SLCO2A1: variants seen among roughly 807,000 people sequenced by gnomAD.
The protein encoded by SLCO2A1 is solute carrier organic anion transporter family member 2A1, also known as matrin F/G 1.
SLCO2A1 carries 60 observed loss-of-function variants against 71.7 expected under a neutral mutation model. That is an observed-to-expected ratio of 0.84 (90% confidence interval 0.68 to 1.04). SLCO2A1 has a LOEUF of 1.04. SLCO2A1 is among the 50% of genes least tolerant of loss of function. SLCO2A1 has a pLI of 0.00. For synonymous variants in SLCO2A1, 308 were observed against 326.7 expected (o/e 0.94, Z 0.62); for missense variants, 745 against 813.4 (o/e 0.92, Z 1.02).
chr3:133,980,875 A>G (rs1056697174), intron 1 of SLCO2A1, among the ~76,000 whole-genome samples: 2 of 151,904 alleles, frequency 1.3e-5, no homozygotes, highest in African/African-American at 4.8e-5. Flanking sequence ...AAAACCAGAC[A>G]CCTCTCCTGA....
intron 11 of SLCO2A1, chr3:133,942,265 G>A (rs559133867): frequency 9.2e-4 from 164 of 177,608 alleles, no homozygotes; most frequent in African/African-American, 3.5e-3. Context: ...AAGTGCTGGG[G>A]TCACAGGCAC....
intron 3 of SLCO2A1, among the ~76,000 whole-genome samples, chr3:133,957,314 G>A (rs151307798): frequency 8.0e-4 from 122 of 152,310 alleles, no homozygotes; most frequent in African/African-American, 2.6e-3. Flanking sequence ...AGGCTCTACC[G>A]TAGAGATCCA....
chr3:133,935,885 G>A lies in SLCO2A1; in HGVS notation c.1703C>T (p.Ser568Phe), dbSNP rs1294137620. The change falls in exon 13 of 14, where the codon TCT becomes TTT. Residue 568 changes from serine (S) to phenylalanine (F), a missense_variant. By Grantham distance (155) the Ser-to-Phe change is radical. Coordinates refer to ENST00000310926, the MANE Select transcript of SLCO2A1 (RefSeq NM_005630.3). ...LLMRLLAWLPSPALYGLTIDH... is the reference protein window; with the variant it reads ...LLMRLLAWLPFPALYGLTIDH... The stretch of plus-strand genomic sequence containing the variant: ...AATGGTGAGGCCATAGAGGGCTGGA[G>A]ATGGCAGCCAGGCTGGAAGAGGGTT... The A allele has an allele frequency of 1.2e-6, 2 of 1,602,234 alleles. No homozygotes were observed. Among genetic ancestry groups the A allele is most frequent in the East Asian group, 4.5e-5 (2 of 44,654 alleles).
intron 3 of SLCO2A1, among the ~76,000 whole-genome samples, chr3:133,971,532 C>A (rs13093879): frequency 0.098 from 14,951 of 152,286 alleles, 834 homozygotes; most frequent in Middle Eastern, 0.2. Context: ...CTATTCTTTT[C>A]CTGTTCCAGG....
intron 4 of SLCO2A1, among the ~76,000 whole-genome samples, chr3:133,954,203 C>A (rs1330206387): frequency 6.9e-6 from 1 of 145,552 alleles, no homozygotes; most frequent in Non-Finnish European, 1.5e-5. Flanking sequence ...ACTCTTGTTG[C>A]CCATGCTGGA....
chr3:134,021,998 T>TA lies in SLCO2A1; in HGVS notation c.96+7708dup, dbSNP rs1296200918. Reference sequence around the variant, plus strand: ...TGCTTTGCTAACAAAAAAAAAAAAGTAAAAAAAAAACTTTTAGAGGAAACC... The same window carrying TA: ...TGCTTTGCTAACAAAAAAAAAAAAGTAAAAAAAAAAACTTTTAGAGGAAACC... On this transcript the variant is annotated intron_variant, in intron 1 of 13. Coordinates refer to ENST00000310926, the MANE Select transcript of SLCO2A1 (RefSeq NM_005630.3). Among the ~76,000 whole-genome samples, 442 of 87,844 alleles carry TA rather than the reference T, an allele frequency of 5.0e-3. 7 individuals carry two copies. Among genetic ancestry groups the TA allele is most frequent in the African/African-American group, 0.016 (387 of 23,688 alleles). 57.6% of individuals were successfully genotyped at this position (87,844 alleles called of 152,430 possible).
At chr3:133,951,901 C>G (rs536216176) in intron 5 of SLCO2A1, among the ~76,000 whole-genome samples, 1 of 152,196 alleles carries the variant, frequency 6.6e-6, no homozygotes, top group South Asian at 2.1e-4. Context: ...GGATCCCTAA[C>G]AAAGGAGGCC....
intron 2 of SLCO2A1, 90 bp downstream of exon 2, chr3:133,979,391 A>G: frequency 2.0e-6 from 3 of 1,536,472 alleles, no homozygotes; most frequent in Non-Finnish European, 2.7e-6. Flanking sequence ...CTATGTGCAC[A>G]TCTCAGCCCC....
intron 1 of SLCO2A1, among the ~76,000 whole-genome samples, chr3:134,021,220 C>T (rs540644635): frequency 3.0e-4 from 45 of 152,160 alleles, no homozygotes; most frequent in African/African-American, 1.1e-3. Context: ...TGTTTTGTCT[C>T]GAAGAAGCAT....
In SLCO2A1 at chr3:133,934,566, A is replaced by C; in HGVS notation, c.*147T>G. ...AACTGTGGGGAGGACTCTGGGAGGA[A>C]GAGGTAGGGAAGGCAAATGAGGACT... is the stretch of plus-strand genomic sequence containing the variant. On this transcript the variant is annotated 3_prime_UTR_variant, in exon 14 of 14. Coordinates refer to ENST00000310926, the MANE Select transcript of SLCO2A1 (RefSeq NM_005630.3). The C allele has an allele frequency of 1.7e-6, 1 of 595,074 alleles. No individual in the cohort carries two copies. The allele number at this position is 595,074 out of a possible 1,614,324, so 36.9% of individuals were successfully genotyped here.
intron 1 of SLCO2A1, among the ~76,000 whole-genome samples, chr3:133,985,966 A>C (rs1704206917): frequency 6.6e-6 from 1 of 152,206 alleles, no homozygotes; most frequent in Non-Finnish European, 1.5e-5. Context: ...CAGCTGCCCT[A>C]CTTACTTACT....
In SLCO2A1 at chr3:133,955,025, G is replaced by A; in HGVS notation, c.566C>T (p.Pro189Leu). The A allele has an allele frequency of 6.2e-7, 1 of 1,614,146 alleles. No homozygotes were observed. Among genetic ancestry groups the A allele is most frequent in the South Asian group, 1.1e-5 (1 of 91,072 alleles). The change falls in exon 4 of 14, where the codon CCA becomes CTA. Residue 189 changes from proline to leucine, a missense_variant. Transcript: ENST00000310926. Reference protein sequence around the residue: ...LAGIGTVPIQPFGISYVDDFS... With the variant: ...LAGIGTVPIQLFGISYVDDFS... ...GTCATCCACATAGGAGATCCCAAATGGCTGAATAGGCACTGTCCCGATGCC... is the reference window on the plus strand; with the variant it reads ...GTCATCCACATAGGAGATCCCAAATAGCTGAATAGGCACTGTCCCGATGCC...
At chr3:134,022,205 C>T (rs867823938) in intron 1 of SLCO2A1, among the ~76,000 whole-genome samples, 31 of 151,698 alleles carry the variant, frequency 2.0e-4, no homozygotes, top group Admixed American at 5.2e-4. Flanking sequence ...TGAGGCATGT[C>T]GAAGAATTAT....
chr3:133,964,077 T>A (rs1418913254), intron 3 of SLCO2A1, among the ~76,000 whole-genome samples: 1 of 152,244 alleles, frequency 6.6e-6, no homozygotes, highest in Non-Finnish European at 1.5e-5. Flanking sequence ...TATAAAATGA[T>A]TCCTATGGGC....
At chr3:133,957,415 G>A (rs1256362410) in intron 3 of SLCO2A1, among the ~76,000 whole-genome samples, 1 of 152,060 alleles carries the variant, frequency 6.6e-6, no homozygotes, top group Non-Finnish European at 1.5e-5. Flanking sequence ...CTGCTCACAG[G>A]GGTTACTGTG....
chr3:134,022,169 GA>G (rs1935602324), intron 1 of SLCO2A1, among the ~76,000 whole-genome samples: 1 of 151,782 alleles, frequency 6.6e-6, no homozygotes, highest in South Asian at 2.1e-4. Flanking sequence ...TTTAAAGAAA[GA>G]AATATTTGTA....
intron 3 of SLCO2A1, among the ~76,000 whole-genome samples, chr3:133,962,064 G>T (rs888542709): frequency 6.6e-6 from 1 of 152,142 alleles, no homozygotes; most frequent in Non-Finnish European, 1.5e-5. Flanking sequence ...GAGTCTTCTA[G>T]AATTTATTTT....
chr3:134,019,237 C>T (rs542977495), intron 1 of SLCO2A1, among the ~76,000 whole-genome samples: 133 of 152,282 alleles, frequency 8.7e-4, no homozygotes, highest in African/African-American at 3.2e-3. Context: ...GTTATGTGAA[C>T]AATTTCACAA....
chr3:133,995,352 T>A (rs1934943144), intron 1 of SLCO2A1, among the ~76,000 whole-genome samples: 2 of 152,092 alleles, frequency 1.3e-5, no homozygotes, highest in Admixed American at 1.3e-4. Flanking sequence ...GCACCCCTAC[T>A]CCTCCCCCTG....
Sources: allele counts gnomAD v4.1 joint callset (sites outside exome capture counted in the v4.1 genomes callset), GRCh38; gene constraint gnomAD v4.1.1; transcripts MANE v1.5; gene names NCBI Gene and HGNC (gene_info 2026-07-23, HGNC 2026-07-21).